NTRK2: variants seen among roughly 807,000 people sequenced by gnomAD.
NTRK2 encodes the protein neurotrophic receptor tyrosine kinase 2, also known as BDNF/NT-3 growth factors receptor.
Under a neutral mutation model 94.5 loss-of-function variants are expected in NTRK2, and 13 were observed. The observed-to-expected ratio is 0.14, with a 90% CI of 0.09 to 0.22. NTRK2 has a LOEUF of 0.22. Ranked by LOEUF, NTRK2 falls within the 10% of genes least tolerant of loss-of-function variation. NTRK2 has a pLI of 1.00. For missense variants in NTRK2, 639 were observed against 1,071.2 expected (o/e 0.60, Z 5.63); for synonymous variants, 372 against 407.4 (o/e 0.91, Z 1.05).
chr9:84,723,181 G>T (rs1284627769), intron 6 of NTRK2, among the ~76,000 whole-genome samples: 1 of 152,150 alleles, frequency 6.6e-6, no homozygotes, highest in Admixed American at 6.5e-5. Flanking sequence ...TAAAAAATGG[G>T]GGGTAGGAGA....
At chr9:84,796,124 G>A (rs1030363550) in intron 12 of NTRK2, among the ~76,000 whole-genome samples, 1 of 152,092 alleles carries the variant, frequency 6.6e-6, no homozygotes, top group African/African-American at 2.4e-5. Context: ...TAAACAGATA[G>A]GTTTTTTTCG....
intron 15 of NTRK2, among the ~76,000 whole-genome samples, chr9:84,941,421 ATCT>A (rs1452054887): frequency 6.6e-6 from 1 of 152,196 alleles, no homozygotes; most frequent in Non-Finnish European, 1.5e-5. Flanking sequence ...TTTCTGGCTT[ATCT>A]TCTATTTATC....
intron 14 of NTRK2, among the ~76,000 whole-genome samples, chr9:84,931,416 A>AAGAGAGAG (rs60534679): frequency 2.0e-5 from 3 of 147,820 alleles, no homozygotes; most frequent in Non-Finnish European, 3.0e-5. Context: ...CAAAAAAAAA[A>AAGAGAGAG]AGAGAGAGAG....
In NTRK2 at chr9:84,934,238, A is replaced by G; in HGVS notation, c.1710A>G (p.Leu570=). 6.2e-7 allele frequency: 1 copy of G among 1,614,080 alleles called. No homozygotes were observed. Residue 570 remains leucine (L), a synonymous_variant, in exon 15 of 19, where the codon CTA becomes CTG. Coordinates refer to ENST00000277120, the MANE Select transcript of NTRK2 (RefSeq NM_006180.6). ...AAGGAGCCTTTGGAAAAGTGTTCCTAGCTGAATGCTATAACCTCTGTCCTG... is the reference window on the plus strand; with the variant it reads ...AAGGAGCCTTTGGAAAAGTGTTCCTGGCTGAATGCTATAACCTCTGTCCTG... ...LGEGAFGKVF[L]AECYNLCPEQ...
chr9:84,825,860 C>A (rs1159945125), intron 12 of NTRK2, among the ~76,000 whole-genome samples: 2 of 152,190 alleles, frequency 1.3e-5, no homozygotes, highest in African/African-American at 2.4e-5. Context: ...GTCAAAGGTG[C>A]TACTGGGCTT....
chr9:84,926,103 T>TC (rs1422344265), intron 14 of NTRK2, among the ~76,000 whole-genome samples: 107 of 140,906 alleles, frequency 7.6e-4, no homozygotes, highest in African/African-American at 2.9e-3. Context: ...CTTCCTTCCT[T>TC]CCTTTCCTTC....
intron 12 of NTRK2, among the ~76,000 whole-genome samples, chr9:84,776,872 A>G (rs2067099466): frequency 6.6e-6 from 1 of 152,166 alleles, no homozygotes; most frequent in African/African-American, 2.4e-5. Flanking sequence ...TTATTTTGGA[A>G]GGCTGTTCAC....
intron 15 of NTRK2, among the ~76,000 whole-genome samples, chr9:84,934,875 A>G (rs979339911): frequency 1.3e-5 from 2 of 152,142 alleles, no homozygotes; most frequent in African/African-American, 4.8e-5. Context: ...TTTTACTAAA[A>G]TGAAGACTGA....
intron 5 of NTRK2, among the ~76,000 whole-genome samples, chr9:84,708,124 C>T (rs546104314): frequency 6.4e-4 from 98 of 152,214 alleles, no homozygotes; most frequent in African/African-American, 2.2e-3. Flanking sequence ...ATAGAAATCT[C>T]AGTAGTGACA....
At chr9:84,742,824 G>C (rs145115037) in intron 10 of NTRK2, among the ~76,000 whole-genome samples, 2 of 104,418 alleles carry the variant, frequency 1.9e-5, no homozygotes, top group Non-Finnish European at 3.4e-5. Context: ...TTTCCGAGAC[G>C]GAGTCTCACT....
chr9:84,672,639 T>C (rs1464652789), intron 2 of NTRK2, among the ~76,000 whole-genome samples: 1 of 152,204 alleles, frequency 6.6e-6, no homozygotes. Flanking sequence ...GATAGATGCA[T>C]ATAATGAAGA....
intron 14 of NTRK2, among the ~76,000 whole-genome samples, chr9:84,911,320 C>T (rs1328147211): frequency 6.6e-6 from 1 of 152,072 alleles, no homozygotes; most frequent in African/African-American, 2.4e-5. Flanking sequence ...AATACTCTCT[C>T]CACTTCTGCT....
chr9:84,691,779 T>C (rs2131553886), intron 2 of NTRK2, among the ~76,000 whole-genome samples: 1 of 152,304 alleles, frequency 6.6e-6, no homozygotes, highest in Non-Finnish European at 1.5e-5. Context: ...GAGAAGGTTT[T>C]GGCCTAGGAG....
chr9:84,790,697 G>C (rs761123031), intron 12 of NTRK2, among the ~76,000 whole-genome samples: 2 of 152,108 alleles, frequency 1.3e-5, no homozygotes, highest in Non-Finnish European at 2.9e-5. Flanking sequence ...TTAAGTGTGG[G>C]GCAGATGAGA....
chr9:84,912,823 A>G (rs2077281089), intron 14 of NTRK2, among the ~76,000 whole-genome samples: 1 of 151,696 alleles, frequency 6.6e-6, no homozygotes, highest in African/African-American at 2.4e-5. Context: ...TCACCTTGTT[A>G]GCCAGGATGG....
At chr9:84,961,839 G>A (rs569593414) in intron 17 of NTRK2, among the ~76,000 whole-genome samples, 1 of 152,326 alleles carries the variant, frequency 6.6e-6, no homozygotes, top group South Asian at 2.1e-4. Flanking sequence ...GGTTCTCAGG[G>A]ACACAACGTT....
rs75564012 is a variant in NTRK2, at chr9:84,686,439, T to C, written c.212+15479T>C. On this transcript the variant is annotated intron_variant, in intron 2 of 18. Coordinates refer to ENST00000277120, the MANE Select transcript of NTRK2 (RefSeq NM_006180.6). ...AACAAATAGGTCTAATGAGAAAGAT[T>C]TGTGCCTTTTCTGTTAGGTAATAGC... Among the ~76,000 whole-genome samples, 500 of 152,324 alleles carry C rather than the reference T, an allele frequency of 3.3e-3. 17 individuals carry two copies. The East Asian group carries it at 0.072, about 22-fold the overall frequency.
chr9:84,967,252 C>G (rs1825662692), intron 17 of NTRK2, among the ~76,000 whole-genome samples: 1 of 152,184 alleles, frequency 6.6e-6, no homozygotes, highest in Non-Finnish European at 1.5e-5. Flanking sequence ...CAACACAGAG[C>G]ACACCACCGC....
intron 14 of NTRK2, among the ~76,000 whole-genome samples, chr9:84,906,444 G>A (rs921008942): frequency 1.3e-5 from 2 of 152,202 alleles, no homozygotes; most frequent in African/African-American, 2.4e-5. Flanking sequence ...GCAGAGCAGT[G>A]GGAGCGAGCT....
Sources: gnomAD v4.1 joint callset for allele counts (sites outside exome capture counted in the v4.1 genomes callset) on GRCh38, gnomAD v4.1.1 for gene constraint, MANE v1.5 for transcripts, NCBI Gene and HGNC (gene_info 2026-07-23, HGNC 2026-07-21) for gene names.